ATRNL1: variants seen among roughly 807,000 people sequenced by gnomAD.
ATRNL1 encodes the protein attractin-like protein 1.
A neutral mutation model predicts 182.7 loss-of-function variants in ATRNL1; 95 were observed. The observed-to-expected ratio is 0.52, with a 90% CI of 0.44 to 0.62. The LOEUF is 0.62. Among genes scored for constraint, ATRNL1 ranks in the 20% least tolerant of loss-of-function variants. The probability of loss-of-function intolerance (pLI) is 0.00; values close to 1 mark genes in which losing one functional copy is unlikely to be tolerated. For missense variants in ATRNL1, 1,471 were observed against 1,679.5 expected, an observed-to-expected ratio of 0.88 and a Z score of 2.17; for synonymous variants, 576 against 568.3, an observed-to-expected ratio of 1.01 and a Z score of -0.19.
At chr10:115,600,355 C>T (rs1856523755) in intron 26 of ATRNL1, among the ~76,000 whole-genome samples, 1 of 151,944 alleles carries the variant, frequency 6.6e-6, no homozygotes, top group South Asian at 2.1e-4. Flanking sequence ...TGTATAATAC[C>T]ACATTTCACC....
intron 28 of ATRNL1, among the ~76,000 whole-genome samples, chr10:115,860,530 TAA>T (rs111291148): frequency 2.0e-5 from 3 of 151,142 alleles, no homozygotes; most frequent in Admixed American, 2.0e-4. Context: ...AATAGATACA[TAA>T]AAAAAAATGT....
At chr10:115,834,596 T>A (rs888142010) in intron 27 of ATRNL1, among the ~76,000 whole-genome samples, 1 of 152,188 alleles carries the variant, frequency 6.6e-6, no homozygotes, top group East Asian at 1.9e-4. Context: ...CAGTTTCTAC[T>A]TGTTTTGAAT....
At chr10:115,533,287 A>T (rs570112788) in intron 25 of ATRNL1, among the ~76,000 whole-genome samples, 1 of 152,100 alleles carries the variant, frequency 6.6e-6, no homozygotes, top group East Asian at 1.9e-4. Flanking sequence ...AGATGGTGTT[A>T]TTGGTCTATT....
Position 115,292,174 on chromosome 10 carries a change from T to G in ATRNL1, c.2415+5777T>G, listed in dbSNP as rs1044328331. On this transcript the variant is annotated intron_variant, in intron 15 of 28. Transcript: ENST00000355044. ...GTTTATAGTAGTCTCTAATGACCCT[T>G]TATGTTTCTGTGTTATTTTAATGTC... Among the ~76,000 whole-genome samples, 4 of 151,986 alleles carry G rather than the reference T, an allele frequency of 2.6e-5. No homozygotes were observed. In the East Asian group the frequency reaches 7.7e-4, roughly 29 times the overall value.
intron 20 of ATRNL1, among the ~76,000 whole-genome samples, chr10:115,408,798 G>A (rs999347191): frequency 4.3e-4 from 65 of 152,080 alleles, no homozygotes; most frequent in African/African-American, 1.4e-3. Context: ...TGGATATCCA[G>A]TTTTCCCAGA....
At chr10:115,276,499 G>A (rs1852111003) in intron 13 of ATRNL1, among the ~76,000 whole-genome samples, 1 of 152,182 alleles carries the variant, frequency 6.6e-6, no homozygotes, top group African/African-American at 2.4e-5. Flanking sequence ...GTGTAAGAGA[G>A]CAGATGGTAC....
intron 19 of ATRNL1, among the ~76,000 whole-genome samples, chr10:115,391,712 T>G (rs1357543897): frequency 6.6e-6 from 1 of 152,016 alleles, no homozygotes; most frequent in Non-Finnish European, 1.5e-5. Flanking sequence ...GCATGGATAG[T>G]TTTTCAAATG....
Position 115,492,401 on chromosome 10 carries a change from T to C in ATRNL1, c.3654+23072T>C, listed in dbSNP as rs1022879125. On this transcript the variant is annotated intron_variant, in intron 24 of 28. Transcript: ENST00000355044. ...ATGTTTTGAAAAATTAGAGTTTGAT[T>C]TAATTAGGTCTCTCATTCTTCATAT... is the stretch of plus-strand genomic sequence containing the variant. Among the ~76,000 whole-genome samples, 8 of 152,006 alleles carry C rather than the reference T, an allele frequency of 5.3e-5. No individual in the cohort carries two copies. The East Asian group carries it at 9.7e-4, about 18-fold the overall frequency.
chr10:115,528,585 T>C (rs1453634591), intron 25 of ATRNL1, among the ~76,000 whole-genome samples: 3 of 152,034 alleles, frequency 2.0e-5, no homozygotes, highest in African/African-American at 4.8e-5. Context: ...GAATCAACTT[T>C]TGGTATTGTT....
intron 24 of ATRNL1, among the ~76,000 whole-genome samples, chr10:115,498,545 C>T (rs1554979109): frequency 6.6e-6 from 1 of 151,900 alleles, no homozygotes; most frequent in Non-Finnish European, 1.5e-5. Context: ...AATAAATCAC[C>T]TTTGTAAGAT....
intron 28 of ATRNL1, among the ~76,000 whole-genome samples, chr10:115,934,505 C>G (rs1482282813): frequency 6.6e-6 from 1 of 152,100 alleles, no homozygotes; most frequent in Non-Finnish European, 1.5e-5. Context: ...CCCACACACC[C>G]TGGCCATTCC....
chr10:115,149,875 C>A (rs1279238157), intron 5 of ATRNL1, among the ~76,000 whole-genome samples: 1 of 141,344 alleles, frequency 7.1e-6, no homozygotes, highest in Non-Finnish European at 1.5e-5. Flanking sequence ...GTCTCCTTTT[C>A]CTTTTTTTTT....
intron 27 of ATRNL1, among the ~76,000 whole-genome samples, chr10:115,815,447 G>GTGTA (rs1555088303): frequency 1.3e-5 from 2 of 150,060 alleles, no homozygotes. Context: ...GTGTGTGTGT[G>GTGTA]TGTGTATTGT....
intron 26 of ATRNL1, among the ~76,000 whole-genome samples, chr10:115,613,906 C>A (rs1179265291): frequency 6.6e-6 from 1 of 151,884 alleles, no homozygotes; most frequent in African/African-American, 2.4e-5. Flanking sequence ...TGGGTCTCCA[C>A]TGTTTTTTTC....
At chr10:115,526,763 G>T (rs1403536845) in intron 25 of ATRNL1, among the ~76,000 whole-genome samples, 2 of 152,122 alleles carry the variant, frequency 1.3e-5, no homozygotes, top group Non-Finnish European at 1.5e-5. Flanking sequence ...TCTGTGAGGG[G>T]AAATTGGGAG....
At chr10:115,509,893 A>G (rs1204014785) in intron 24 of ATRNL1, among the ~76,000 whole-genome samples, 1 of 151,998 alleles carries the variant, frequency 6.6e-6, no homozygotes, top group South Asian at 2.1e-4. Context: ...TCATCATTCT[A>G]ATTGCCTTTG....
At chr10:115,750,479 A>G (rs1948417682) in intron 27 of ATRNL1, among the ~76,000 whole-genome samples, 1 of 151,906 alleles carries the variant, frequency 6.6e-6, no homozygotes, top group Non-Finnish European at 1.5e-5. Flanking sequence ...AAAAAGATCA[A>G]AAATTTAAAT....
chr10:115,943,185 A>G (rs989594257), intron 28 of ATRNL1, among the ~76,000 whole-genome samples: 2 of 152,238 alleles, frequency 1.3e-5, no homozygotes, highest in African/African-American at 4.8e-5. Flanking sequence ...AACTCTATCC[A>G]TGGAGTGCTT....
chr10:115,682,662 T>A (rs186899638), intron 26 of ATRNL1, among the ~76,000 whole-genome samples: 1 of 151,390 alleles, frequency 6.6e-6, no homozygotes, highest in Non-Finnish European at 1.5e-5. Context: ...ACTCAATAGA[T>A]AATACATATG....
Sources: allele counts gnomAD v4.1 joint callset (sites outside exome capture counted in the v4.1 genomes callset), GRCh38; gene constraint gnomAD v4.1.1; transcripts MANE v1.5; gene names NCBI Gene and HGNC (gene_info 2026-07-23, HGNC 2026-07-21).